SLC6A16: variants seen among roughly 807,000 people sequenced by gnomAD.
SLC6A16 encodes orphan sodium- and chloride-dependent neurotransmitter transporter NTT5.
Under a neutral mutation model 65.4 loss-of-function variants are expected in SLC6A16, and 54 were observed. The observed-to-expected ratio is 0.83, with a 90% CI of 0.66 to 1.04. SLC6A16 has a LOEUF of 1.04. SLC6A16 is among the 50% of genes least tolerant of loss of function. SLC6A16 has a pLI of 0.00. For missense variants in SLC6A16, 816 were observed against 914.0 expected (o/e 0.89, Z 1.38); for synonymous variants, 330 against 346.5 (o/e 0.95, Z 0.53).
At chr19:49,297,803 T>TA (rs1970213102) in intron 7 of SLC6A16, among the ~76,000 whole-genome samples, 1 of 151,960 alleles carries the variant, frequency 6.6e-6, no homozygotes, top group South Asian at 2.1e-4. Context: ...AGATGAATAC[T>TA]AAAAACATGC....
At chr19:49,336,284 G>A in the SLC6A16 span, 24 of 143,992 alleles carry the variant, frequency 1.7e-4, no homozygotes, top group South Asian at 8.8e-4. Context: ...GGCCGGGCGC[G>A]GTGGCTCACA....
In SLC6A16 at chr19:49,309,679, A is replaced by T. The variant is rs374177563; in HGVS notation, c.848T>A (p.Met283Lys). 1.4e-4 allele frequency: 228 copies of T among 1,613,996 alleles called. No individual in the cohort carries two copies. Among genetic ancestry groups the T allele is most frequent in the Non-Finnish European group, 1.9e-4 (221 of 1,179,974 alleles). ...FLCWCLVGAF[M>K]INGLKSTGKV... ...CCCAGTGGACTTGAGCCCATTGATC[A>T]TGAAAGCACCAACAAGACACCAGCA... is the stretch of plus-strand genomic sequence containing the variant. The change falls in exon 5 of 12, where the codon ATG (methionine) becomes AAG (lysine). Residue 283 changes from methionine to lysine, a missense_variant. By Grantham distance (95) the Met-to-Lys change is moderately conservative. Coordinates refer to ENST00000335875, the MANE Select transcript of SLC6A16 (RefSeq NM_014037.3).
chr19:49,337,723 T>C, the SLC6A16 span: 1 of 1,534,972 alleles, frequency 6.5e-7, no homozygotes. Flanking sequence ...ATAGACGCCC[T>C]GAAAGAAGAG....
At chr19:49,317,573 G>A (rs530058630) in intron 1 of SLC6A16, among the ~76,000 whole-genome samples, 38 of 152,038 alleles carry the variant, frequency 2.5e-4, no homozygotes, top group African/African-American at 8.4e-4. Context: ...TTAGGAGGCC[G>A]AGGCGGGCGG....
the SLC6A16 span, chr19:49,335,482 C>G: frequency 8.5e-7 from 1 of 1,174,884 alleles, no homozygotes; most frequent in Non-Finnish European, 1.3e-6. This position sits in a 1 kb window ranked among gnomAD's most constrained non-coding sequence, Gnocchi z 4.6. Flanking sequence ...CTCCCTGTCT[C>G]CCCCACTGTC....
the SLC6A16 span, chr19:49,338,250 C>T: frequency 5.2e-6 from 7 of 1,349,574 alleles, no homozygotes; most frequent in Non-Finnish European, 6.8e-6. This position sits in a 1 kb window ranked among gnomAD's most constrained non-coding sequence, Gnocchi z 5.0. Flanking sequence ...CCATCTACCT[C>T]GAGAGACTCC....
At chr19:49,329,555 G>A (rs909076062), upstream of SLC6A16, among the ~76,000 whole-genome samples, 9 of 151,966 alleles carry the variant, frequency 5.9e-5, no homozygotes, top group African/African-American at 1.5e-4. Context: ...GGGCGAGGTG[G>A]GAGGATTGCT....
the SLC6A16 span, chr19:49,338,958 A>ATGCTCG: frequency 6.3e-7 from 1 of 1,585,332 alleles, no homozygotes; most frequent in South Asian, 1.1e-5. The surrounding 1 kb of genome is among the most constrained non-coding windows in gnomAD (Gnocchi z 5.0). Context: ...TTCGGAGCAT[A>ATGCTCG]AACCTGTCGA....
the SLC6A16 span, chr19:49,337,916 G>A: frequency 3.7e-6 from 6 of 1,613,874 alleles, no homozygotes; most frequent in African/African-American, 4.0e-5. Flanking sequence ...CTCACTGGTG[G>A]CCTCTCAGCT....
chr19:49,336,948 T>TG, the SLC6A16 span: 1 of 1,614,212 alleles, frequency 6.2e-7, no homozygotes, highest in Non-Finnish European at 8.5e-7. Flanking sequence ...TCCAAAGTCC[T>TG]GGCCATCTCA....
At position 49,293,223 on chromosome 19, in the gene SLC6A16, C is replaced by T. The variant is rs966712435; in HGVS notation, c.1778G>A (p.Arg593Lys). ...TGAGAACCTGGGCTTAGGACATCAC[C>T]TCCTGGCCCCATAGGCCCAGGATAC... Reference protein sequence around the residue: ...MAVSWAYGARRFLADLTILLG... With the variant: ...MAVSWAYGARKFLADLTILLG... Residue 593 changes from arginine to lysine, a missense_variant and splice_region_variant, in exon 10 of 12, where the codon AGG becomes AAG. Transcript: ENST00000335875. 4 of 1,613,566 alleles carry T rather than the reference C, an allele frequency of 2.5e-6. No individual in the cohort carries two copies. The African/African-American group carries it at 5.3e-5, about 22-fold the overall frequency.
chr19:49,326,585 CGA>C (rs1477506954), upstream of SLC6A16, among the ~76,000 whole-genome samples: 1 of 152,156 alleles, frequency 6.6e-6, no homozygotes, highest in Non-Finnish European at 1.5e-5. Flanking sequence ...ACGTATTTAT[CGA>C]GAGTCTACTA....
At chr19:49,337,893 GA>G in the SLC6A16 span, 3 of 1,613,236 alleles carry the variant, frequency 1.9e-6, no homozygotes, top group Non-Finnish European at 2.5e-6. Context: ...GGGCGGGGAA[GA>G]TAAGGCCCAG....
At chr19:49,310,827 G>T in intron 2 of SLC6A16, 106 bp downstream of exon 2, 2 of 909,748 alleles carry the variant, frequency 2.2e-6, no homozygotes, top group Non-Finnish European at 1.7e-6. Flanking sequence ...CAGAGCACCA[G>T]GTCTTTAGTC....
intron 1 of SLC6A16, among the ~76,000 whole-genome samples, chr19:49,319,610 A>C (rs995669543): frequency 6.6e-6 from 1 of 152,020 alleles, no homozygotes; most frequent in Non-Finnish European, 1.5e-5. Flanking sequence ...CAGTTCTACA[A>C]TAATAACTGG....
intron 1 of SLC6A16, among the ~76,000 whole-genome samples, chr19:49,313,625 C>CAAAA (rs902187308): frequency 2.7e-4 from 13 of 47,366 alleles, no homozygotes; most frequent in South Asian, 7.1e-4. Context: ...ACTAAAAATG[C>CAAAA]AAAAAAAAAA....
At chr19:49,318,620 G>C (rs182116128) in intron 1 of SLC6A16, among the ~76,000 whole-genome samples, 68 of 152,290 alleles carry the variant, frequency 4.5e-4, no homozygotes, top group African/African-American at 1.6e-3. Context: ...TAAAATAGCT[G>C]TTACAAATAT....
chr19:49,333,345 T>C, the SLC6A16 span, among the ~76,000 whole-genome samples: 12 of 152,248 alleles, frequency 7.9e-5, no homozygotes, highest in Middle Eastern at 3.4e-3. Flanking sequence ...TAGTGGGTCA[T>C]GCCTGTAATC....
chr19:49,319,548 A>G (rs1036484376), intron 1 of SLC6A16, among the ~76,000 whole-genome samples: 23 of 151,300 alleles, frequency 1.5e-4, no homozygotes, highest in African/African-American at 5.3e-4. Flanking sequence ...CGATATATAC[A>G]TATACATATA....
Sources: gnomAD v4.1 joint callset for allele counts (sites outside exome capture counted in the v4.1 genomes callset) on GRCh38, gnomAD v4.1.1 for gene constraint, Gnocchi (gnomAD v3.1) non-coding constraint, MANE v1.5 for transcripts, NCBI Gene and HGNC (gene_info 2026-07-23, HGNC 2026-07-21) for gene names.